Variants in SUGCT observed in about 807,000 individuals in gnomAD.
The protein encoded by SUGCT is succinyl-CoA:glutarate CoA-transferase.
SUGCT carries 41 observed loss-of-function variants against 55.0 expected under a neutral mutation model. The ratio of observed to expected loss-of-function variants is 0.74; its 90% CI spans 0.58 to 0.97. The LOEUF is 0.97. SUGCT is among the 50% of genes least tolerant of loss of function. The probability of loss-of-function intolerance (pLI) is 0.00; values close to 1 mark genes in which losing one functional copy is unlikely to be tolerated. For missense variants in SUGCT, 568 were observed against 547.8 expected (o/e 1.04, Z -0.37); for synonymous variants, 187 against 200.4 (o/e 0.93, Z 0.56).
At chr7:40,462,619 T>C (rs1315183928) in intron 11 of SUGCT, among the ~76,000 whole-genome samples, 1 of 152,136 alleles carries the variant, frequency 6.6e-6, no homozygotes, top group Admixed American at 6.5e-5. Context: ...GAGGGCCAGG[T>C]TGAAGTGGTC....
At chr7:40,142,138 G>T (rs748038627) in intron 1 of SUGCT, among the ~76,000 whole-genome samples, 2 of 152,136 alleles carry the variant, frequency 1.3e-5, no homozygotes, top group Non-Finnish European at 2.9e-5. Flanking sequence ...AATTAGTCAT[G>T]GTGGAGCAGG....
intron 12 of SUGCT, among the ~76,000 whole-genome samples, chr7:40,566,549 A>G (rs1584000414): frequency 2.0e-5 from 3 of 152,242 alleles, no homozygotes; most frequent in South Asian, 2.1e-4. Flanking sequence ...GAAAGCTTCC[A>G]TCAACTTCAG....
intron 7 of SUGCT, among the ~76,000 whole-genome samples, chr7:40,268,037 A>G (rs943062644): frequency 6.6e-6 from 1 of 152,176 alleles, no homozygotes; most frequent in Non-Finnish European, 1.5e-5. Flanking sequence ...GATTTTTTTT[A>G]AACTTTATTT....
chr7:40,690,345 GACCTTCTAGCT>G (rs1784639306), intron 12 of SUGCT, among the ~76,000 whole-genome samples: 1 of 152,060 alleles, frequency 6.6e-6, no homozygotes, highest in South Asian at 2.1e-4. Context: ...ACCTTAAGTA[GACCTTCTAGCT>G]ACCTTTAGAT....
the SUGCT span, among the ~76,000 whole-genome samples, chr7:40,929,087 CG>C: frequency 1.3e-5 from 2 of 152,026 alleles, no homozygotes; most frequent in South Asian, 4.1e-4. Flanking sequence ...TCCCCCAGCC[CG>C]CCACCCCCTG....
chr7:40,616,655 G>T (rs1037604531), intron 12 of SUGCT, among the ~76,000 whole-genome samples: 11 of 152,176 alleles, frequency 7.2e-5, no homozygotes, highest in African/African-American at 2.7e-4. Context: ...TGGATTGTGG[G>T]ACCATGGAAC....
Position 40,184,570 on chromosome 7 carries a change from C to T in SUGCT, c.226+2542C>T, listed in dbSNP as rs907000889. On this transcript the variant is annotated intron_variant, in intron 3 of 13. Coordinates refer to ENST00000335693, the MANE Select transcript of SUGCT (RefSeq NM_001193313.2). Reference sequence around the variant, plus strand: ...CTGGTCTTGAACTCCTGGGCTCAAACGATCCTTCGACCTCAGCCTCCCAAA... The same window carrying T: ...CTGGTCTTGAACTCCTGGGCTCAAATGATCCTTCGACCTCAGCCTCCCAAA... Among the ~76,000 whole-genome samples, 28 of 151,944 alleles carry T rather than the reference C, an allele frequency of 1.8e-4. No individual in the cohort carries two copies. The South Asian group carries it at 2.3e-3, about 12-fold the overall frequency.
chr7:40,499,481 TC>T (rs1444933338), intron 12 of SUGCT: 1 of 192,894 alleles, frequency 5.2e-6, no homozygotes, highest in African/African-American at 2.4e-5. Flanking sequence ...TATTTTTTTT[TC>T]ATGGATAAAT....
At chr7:40,780,835 C>G (rs1563000140) in intron 13 of SUGCT, among the ~76,000 whole-genome samples, 1 of 141,488 alleles carries the variant, frequency 7.1e-6, no homozygotes, top group African/African-American at 2.6e-5. Context: ...GCATTGAAAA[C>G]TTTTAAATAT....
chr7:40,449,986 C>T lies in SUGCT; in HGVS notation c.888+628C>T, dbSNP rs148842246. On this transcript the variant is annotated intron_variant, in intron 10 of 13. Transcript: ENST00000335693. ...TTCTAAACTTGTAGCATTTACTAAA[C>T]TTCGCCATCTTGGATCACTGCAACC... 3.4e-4 allele frequency among the ~76,000 whole-genome samples: 51 copies of T among 152,198 alleles called. No homozygotes were observed. The East Asian group carries it at 9.3e-3, about 28-fold the overall frequency.
At chr7:40,489,707 A>G (rs2151505575) in intron 11 of SUGCT, among the ~76,000 whole-genome samples, 1 of 152,198 alleles carries the variant, frequency 6.6e-6, no homozygotes, top group Admixed American at 6.5e-5. Flanking sequence ...ACAAAAAACA[A>G]AAACAAACAA....
At chr7:40,555,419 TCCTGGGTGTTATTCATTC>T (rs1437318393) in intron 12 of SUGCT, among the ~76,000 whole-genome samples, 3 of 152,046 alleles carry the variant, frequency 2.0e-5, no homozygotes, top group Non-Finnish European at 4.4e-5. Flanking sequence ...CCCTTTTCAG[TCCTGGGTGTTATTCATTC>T]CAGACCAGGA....
rs185351328 is a variant in SUGCT at position 40,660,783 on chromosome 7, A to G, written c.1090-88651A>G. 2.0e-5 allele frequency among the ~76,000 whole-genome samples: 3 copies of G among 151,918 alleles called. No homozygotes were observed. The East Asian group carries it at 5.8e-4, about 29-fold the overall frequency. On this transcript the variant is annotated intron_variant, in intron 12 of 13. Coordinates refer to ENST00000335693, the MANE Select transcript of SUGCT (RefSeq NM_001193313.2). ...CTGACTTCCTCTGTTTACCTCACTT[A>G]CTCTGATTCTGCCTTTCCAAGAACT...
chr7:40,300,032 T>G (rs948592283), intron 8 of SUGCT, among the ~76,000 whole-genome samples: 1 of 152,168 alleles, frequency 6.6e-6, no homozygotes, highest in South Asian at 2.1e-4. Context: ...TTTGTGTTAG[T>G]GAAAGATGGA....
At chr7:40,664,769 A>T (rs1184051023) in intron 12 of SUGCT, among the ~76,000 whole-genome samples, 1 of 152,004 alleles carries the variant, frequency 6.6e-6, no homozygotes, top group East Asian at 1.9e-4. Flanking sequence ...TCACGAGGTC[A>T]GGAGATCGAG....
chr7:40,392,764 A>G (rs1025785024), intron 9 of SUGCT, among the ~76,000 whole-genome samples: 75 of 152,334 alleles, frequency 4.9e-4, no homozygotes, highest in African/African-American at 1.8e-3. Flanking sequence ...TCCATGTGAA[A>G]GATGAGCAAG....
intron 13 of SUGCT, among the ~76,000 whole-genome samples, chr7:40,841,340 G>T (rs909415652): frequency 5.3e-5 from 8 of 152,040 alleles, no homozygotes; most frequent in Non-Finnish European, 8.8e-5. Context: ...AGACCTAAGA[G>T]TATTTATATT....
intron 13 of SUGCT, among the ~76,000 whole-genome samples, chr7:40,751,246 G>A (rs573152831): frequency 3.3e-5 from 5 of 152,256 alleles, no homozygotes; most frequent in African/African-American, 1.2e-4. Flanking sequence ...TGTGTTCTAA[G>A]CCAGGATGAA....
intron 12 of SUGCT, among the ~76,000 whole-genome samples, chr7:40,624,122 C>G (rs1200103650): frequency 6.6e-6 from 1 of 152,106 alleles, no homozygotes; most frequent in Non-Finnish European, 1.5e-5. Flanking sequence ...GTTACTCTTC[C>G]TGGAAGGAGA....
Sources: allele counts gnomAD v4.1 joint callset (sites outside exome capture counted in the v4.1 genomes callset), GRCh38; gene constraint gnomAD v4.1.1; transcripts MANE v1.5; gene names NCBI Gene and HGNC (gene_info 2026-07-23, HGNC 2026-07-21).